Variants in RNF19A observed in about 807,000 individuals in gnomAD.
RNF19A encodes E3 ubiquitin-protein ligase RNF19A.
A neutral mutation model predicts 75.7 loss-of-function variants in RNF19A; 32 were observed. That is an observed-to-expected ratio of 0.42 (90% CI 0.32 to 0.57). The LOEUF (loss-of-function observed/expected upper bound fraction) is 0.57. RNF19A is among the 20% of genes least tolerant of loss of function. The pLI, the probability that RNF19A is intolerant of heterozygous loss-of-function variation, is 0.10. For synonymous variants in RNF19A, 335 were observed against 345.2 expected, an observed-to-expected ratio of 0.97 and a Z score of 0.33; for missense variants, 782 against 1,036.3, an observed-to-expected ratio of 0.75 and a Z score of 3.37.
rs563359892 is a variant in RNF19A at position 100,284,369 on chromosome 8, A to G, written c.674+3132T>C. Among the ~76,000 whole-genome samples the G allele has an allele frequency of 6.6e-6, 1 of 152,310 alleles. No individual in the cohort carries two copies. The highest frequency in any genetic ancestry group is 2.1e-4 in the South Asian group (1 of 4,832). ...CACAATCATAAAACCTACATCACCA[A>G]GTATGTGAAATACGACCATAACAAC... On this transcript the variant is annotated intron_variant, in intron 2 of 9. Transcript: ENST00000341084. This position sits in a 1 kb window ranked among gnomAD's most constrained non-coding sequence, Gnocchi z 4.3.
chr8:100,258,511 CA>C lies in RNF19A; in HGVS notation c.*44del, dbSNP rs770449613. 14 of 1,487,556 alleles carry C rather than the reference CA, an allele frequency of 9.4e-6. No individual in the cohort carries two copies. Among genetic ancestry groups the C allele is most frequent in the Non-Finnish European group, 1.1e-5 (12 of 1,096,204 alleles). The allele number at this position is 1,487,556 out of a possible 1,614,324, so 92.1% of individuals were successfully genotyped here. On this transcript the variant is annotated 3_prime_UTR_variant, in exon 10 of 10. Coordinates refer to ENST00000341084, the MANE Select transcript of RNF19A (RefSeq NM_183419.4). This position sits in a 1 kb window ranked among gnomAD's most constrained non-coding sequence, Gnocchi z 4.3. Reference sequence around the variant, plus strand: ...TAGTCACATGTAGTTCAACCAGCTCCAAACACGGTTGTACAGTGGTAATTAT... The same window carrying C: ...TAGTCACATGTAGTTCAACCAGCTCCAACACGGTTGTACAGTGGTAATTAT...
upstream of RNF19A, chr8:100,310,118 C>T: frequency 1.0e-6 from 1 of 985,556 alleles, no homozygotes; most frequent in African/African-American, 1.7e-5. Context: ...CTCCCGCAGC[C>T]CCCGCTTTCC....
chr8:100,310,712 G>T (rs1349114144), upstream of RNF19A, among the ~76,000 whole-genome samples: 1 of 152,182 alleles, frequency 6.6e-6, no homozygotes, highest in Non-Finnish European at 1.5e-5. Flanking sequence ...ACAATAGCAA[G>T]CCTACGTGAG....
Position 100,259,947 on chromosome 8 carries a change from T to G in RNF19A, c.1733A>C (p.Glu578Ala). The G allele has an allele frequency of 6.2e-7, 1 of 1,614,048 alleles. No individual in the cohort carries two copies. Among genetic ancestry groups the G allele is most frequent in the Non-Finnish European group, 8.5e-7 (1 of 1,179,918 alleles). ...VQKERYSLSG[E>A]SGTVSLGTVS... ...TGTTCCCAAGCTGACTGTGCCAGAT[T>G]CTCCACTTAGACTGTACCGTTCTTT... is the stretch of plus-strand genomic sequence containing the variant. The change falls in exon 9 of 10, where the codon GAA becomes GCA. Residue 578 changes from glutamate to alanine, a missense_variant. Glu to Ala is a moderately radical substitution (Grantham distance 107). Coordinates refer to ENST00000341084, the MANE Select transcript of RNF19A (RefSeq NM_183419.4). The surrounding 1 kb of genome is among the most constrained non-coding windows in gnomAD (Gnocchi z 4.5).
At chr8:100,277,620 T>C (rs1274530947) in intron 2 of RNF19A, among the ~76,000 whole-genome samples, 3 of 152,136 alleles carry the variant, frequency 2.0e-5, no homozygotes, top group African/African-American at 4.8e-5. Context: ...TTATTTCTGA[T>C]AGACCAATTA....
Position 100,259,016 on chromosome 8 carries a change from A to G in RNF19A, c.2057T>C (p.Ile686Thr). ...ATCCATGTCCTCTCTCGTCTCATTT[A>G]TCTTCATGTTACCCTTTTTCCTCAG... is the stretch of plus-strand genomic sequence containing the variant. Reference protein sequence around the residue: ...GKLRKKGNMKINETREDMDAQ... With the variant: ...GKLRKKGNMKTNETREDMDAQ... Residue 686 changes from isoleucine to threonine, a missense_variant, in exon 10 of 10, where the codon ATA becomes ACA. Ile to Thr is a moderately conservative substitution (Grantham distance 89). This residue lies in a region of RNF19A where 442 missense variants were observed against 541.6 expected (regional missense o/e 0.82). Transcript: ENST00000341084. This position sits in a 1 kb window ranked among gnomAD's most constrained non-coding sequence, Gnocchi z 4.5. 1 of 1,614,170 alleles carries G rather than the reference A, an allele frequency of 6.2e-7. No homozygotes were observed. The highest frequency in any genetic ancestry group is 8.5e-7 in the Non-Finnish European group (1 of 1,180,016).
intron 1 of RNF19A, among the ~76,000 whole-genome samples, chr8:100,290,991 A>G (rs576289985): frequency 4.6e-5 from 7 of 152,264 alleles, no homozygotes; most frequent in African/African-American, 1.7e-4. Context: ...TTAGAGGTCA[A>G]CCTCCTGGGG....
At chr8:100,315,172 G>A (rs748107583) in intron 1 of RNF19A, among the ~76,000 whole-genome samples, 58 of 152,220 alleles carry the variant, frequency 3.8e-4, no homozygotes, top group Non-Finnish European at 5.3e-4. Flanking sequence ...CCTGTAGTCC[G>A]AGCTACTCAG....
At position 100,259,121 on chromosome 8, in the gene RNF19A, C is replaced by G; in HGVS notation, c.1952G>C (p.Ser651Thr). The change falls in exon 10 of 10, where the codon AGT becomes ACT. Residue 651 changes from serine to threonine, a missense_variant. Physicochemically the swap from Ser to Thr is moderately conservative, Grantham distance 58 (BLOSUM62 1). Transcript: ENST00000341084. This position sits in a 1 kb window ranked among gnomAD's most constrained non-coding sequence, Gnocchi z 4.5. ...ACTAGATTTACCTTCAGGCAAGCCA[C>G]TGGATGAACCGCCAGCATGACTTCG... ...ATRSHAGGSS[S>T]GLPEGKSSAT... is the part of the protein sequence containing the mutation. 6.2e-7 allele frequency: 1 copy of G among 1,614,220 alleles called. No homozygotes were observed. Among genetic ancestry groups the G allele is most frequent in the Non-Finnish European group, 8.5e-7 (1 of 1,180,034 alleles).
intron 2 of RNF19A, among the ~76,000 whole-genome samples, chr8:100,286,981 C>A (rs541861976): frequency 1.3e-5 from 2 of 152,158 alleles, no homozygotes; most frequent in South Asian, 2.1e-4. Flanking sequence ...TATTACATAA[C>A]CCCTAGAACT....
At chr8:100,286,119 G>GCGAT (rs1821005751) in intron 2 of RNF19A, among the ~76,000 whole-genome samples, 1 of 152,144 alleles carries the variant, frequency 6.6e-6, no homozygotes, top group African/African-American at 2.4e-5. Context: ...GGGATCAAGG[G>GCGAT]CGATTCAATC....
At chr8:100,307,848 A>C (rs1294721815) in intron 1 of RNF19A, among the ~76,000 whole-genome samples, 1 of 152,200 alleles carries the variant, frequency 6.6e-6, no homozygotes, top group African/African-American at 2.4e-5. Flanking sequence ...TGAATGAAGT[A>C]TCTTTAAAAA....
At chr8:100,290,517 T>G (rs1327056704) in intron 1 of RNF19A, among the ~76,000 whole-genome samples, 1 of 152,188 alleles carries the variant, frequency 6.6e-6, no homozygotes, top group Non-Finnish European at 1.5e-5. Flanking sequence ...GTTTTTTTCC[T>G]CCTATGGCTG....
intron 1 of RNF19A, among the ~76,000 whole-genome samples, chr8:100,298,193 T>TG (rs1175566863): frequency 2.6e-4 from 31 of 118,726 alleles, no homozygotes; most frequent in Non-Finnish European, 4.1e-4. Flanking sequence ...TACCATGTAT[T>TG]GGGTTAAAAA....
At position 100,257,929 on chromosome 8, in the gene RNF19A, A is replaced by G. The variant is rs1586582735; in HGVS notation, c.*627T>C. ...TAAGATGGCATCAACAATAAACAAG[A>G]TAGAGTACCAGGTATTTCTATTTCA... On this transcript the variant is annotated 3_prime_UTR_variant, in exon 10 of 10. Transcript: ENST00000341084. 2 of 398,560 alleles carry G rather than the reference A, an allele frequency of 5.0e-6. No homozygotes were observed. The highest frequency in any genetic ancestry group is 7.2e-5 in the East Asian group (2 of 27,966). The allele number at this position is 398,560 out of a possible 1,614,324, so 24.7% of individuals were successfully genotyped here.
intron 1 of RNF19A, among the ~76,000 whole-genome samples, chr8:100,295,126 A>C (rs775625802): frequency 2.9e-4 from 44 of 152,212 alleles, no homozygotes; most frequent in Non-Finnish European, 5.6e-4. Flanking sequence ...TATCTTCTCC[A>C]AAGAGTAACA....
intron 1 of RNF19A, among the ~76,000 whole-genome samples, chr8:100,318,888 G>A (rs933401149): frequency 2.0e-5 from 3 of 152,228 alleles, no homozygotes; most frequent in Admixed American, 2.0e-4. Context: ...ATTTGGGAAT[G>A]CACAGTCCAG....
Position 100,284,762 on chromosome 8 carries a change from A to C in RNF19A, c.674+2739T>G. 6.6e-6 allele frequency among the ~76,000 whole-genome samples: 1 copy of C among 152,276 alleles called. No individual in the cohort carries two copies. The highest frequency in any genetic ancestry group is 1.9e-4 in the East Asian group (1 of 5,196). On this transcript the variant is annotated intron_variant, in intron 2 of 9. Transcript: ENST00000341084. This position sits in a 1 kb window ranked among gnomAD's most constrained non-coding sequence, Gnocchi z 4.3. Reference sequence around the variant, plus strand: ...TATGAGTTTCTGATTATTTTTATTAAGAAATATCACATATAAAAAAGGTTT... The same window carrying C: ...TATGAGTTTCTGATTATTTTTATTACGAAATATCACATATAAAAAAGGTTT...
At chr8:100,316,283 G>A (rs1822373122) in intron 1 of RNF19A, among the ~76,000 whole-genome samples, 1 of 152,150 alleles carries the variant, frequency 6.6e-6, no homozygotes, top group South Asian at 2.1e-4. Flanking sequence ...TGGACCCAAA[G>A]GGTGAGCAGT....
Sources: gnomAD v4.1 joint callset for allele counts (sites outside exome capture counted in the v4.1 genomes callset) on GRCh38, gnomAD v4.1.1 for gene constraint, gnomAD v4.1.1 regional missense constraint, Gnocchi (gnomAD v3.1) non-coding constraint, MANE v1.5 for transcripts, NCBI Gene and HGNC (gene_info 2026-07-23, HGNC 2026-07-21) for gene names.